The following NBPF19 variants were observed in gnomAD, a reference collection of about 807,000 sequenced individuals.
The protein encoded by NBPF19 is NBPF member 19, also known as NBPF family member NBPF19.
A neutral mutation model predicts 45.9 loss-of-function variants in NBPF19; 30 were observed. That is an observed-to-expected ratio of 0.65 (90% confidence interval 0.49 to 0.89). The LOEUF is 0.89. Among genes scored for constraint, NBPF19 ranks in the 40% least tolerant of loss-of-function variants. The pLI is 0.00. For missense variants in NBPF19, 495 were observed against 471.8 expected (o/e 1.05, Z -0.46); for synonymous variants, 183 against 181.2 (o/e 1.01, Z -0.08).
chr1:149,488,316 G>A (rs1228440487), intron 10 of NBPF19, 131 bp downstream of exon 10: 1 of 602,946 alleles, frequency 1.7e-6, no homozygotes, highest in Non-Finnish European at 2.9e-6. Context: ...GCACATGTAG[G>A]TTGAATGAAA....
chr1:149,487,418 G>A (rs1437843484), intron 9 of NBPF19, 35 bp downstream of exon 9: 21 of 1,123,942 alleles, frequency 1.9e-5, no homozygotes, highest in Admixed American at 1.7e-4. Flanking sequence ...TTAATTTGAT[G>A]TTGACACCTG....
chr1:149,490,921 C>CGT (rs1159751982), intron 13 of NBPF19, among the ~76,000 whole-genome samples: 5,213 of 125,928 alleles, frequency 0.041, 551 homozygotes, highest in Non-Finnish European at 0.061. Flanking sequence ...TGTGTGTGTG[C>CGT]GTGTGTGTGT....
chr1:149,490,924 G>A (rs1205734053), intron 13 of NBPF19, among the ~76,000 whole-genome samples: 1 of 131,622 alleles, frequency 7.6e-6, no homozygotes, highest in Non-Finnish European at 1.6e-5. Flanking sequence ...GTGTGTGCGT[G>A]TGTGTGTGTG....
chr1:149,491,189 C>T lies in NBPF19; in HGVS notation c.1541C>T (p.Ser514Leu). Reference sequence around the variant, plus strand: ...GTAGAGCCTGAAGTCTTGCAGGACTCACTGGATAGATGTTATTCAACTCCT... The same window carrying T: ...GTAGAGCCTGAAGTCTTGCAGGACTTACTGGATAGATGTTATTCAACTCCT... Reference protein sequence around the residue: ...EVVEPEVLQDSLDRCYSTPSS... With the variant: ...EVVEPEVLQDLLDRCYSTPSS... The change falls in exon 14 of 94, where the codon TCA becomes TTA. Residue 514 changes from serine (S) to leucine (L), a missense_variant. This residue lies in a region of NBPF19 where 146 missense variants were observed against 67.3 expected (regional missense o/e 2.17). Transcript: ENST00000651566. 3.4e-6 allele frequency: 1 copy of T among 292,946 alleles called. No individual in the cohort carries two copies. The allele number at this position is 292,946 out of a possible 1,614,324, so 18.1% of individuals were successfully genotyped here.
At chr1:149,487,249 C>A in intron 8 of NBPF19, 83 bp from the exon 9 acceptor site, 1 of 920,548 alleles carries the variant, frequency 1.1e-6, no homozygotes, top group Non-Finnish European at 1.8e-6. Context: ...GACTGATGTC[C>A]CTGTGTTAGG....
At chr1:149,487,421 G>C (rs1467499536) in intron 9 of NBPF19, 38 bp downstream of exon 9, 1 of 1,062,934 alleles carries the variant, frequency 9.4e-7, no homozygotes, top group Non-Finnish European at 1.4e-6. Flanking sequence ...ATTTGATGTT[G>C]ACACCTGGAG....
intron 2 of NBPF19, among the ~76,000 whole-genome samples, chr1:149,477,340 CAACT>C (rs1284008462): frequency 1.3e-5 from 2 of 151,328 alleles, no homozygotes; most frequent in Non-Finnish European, 3.0e-5. Context: ...TAAATTAACA[CAACT>C]AATCTAAATC....
At chr1:149,554,246 G>A (rs2087147078) in intron 93 of NBPF19, among the ~76,000 whole-genome samples, 1 of 151,626 alleles carries the variant, frequency 6.6e-6, no homozygotes, top group South Asian at 2.1e-4. Context: ...ATGTCACCTG[G>A]CCAATTCACT....
At chr1:149,494,077 G>A (rs1199264964) in intron 17 of NBPF19, among the ~76,000 whole-genome samples, 6 of 128,426 alleles carry the variant, frequency 4.7e-5, no homozygotes, top group East Asian at 5.0e-4. Context: ...CGGCCAACTC[G>A]CTGAGCTCAC....
At chr1:149,487,234 G>A in intron 8 of NBPF19, 98 bp from the exon 9 acceptor site, 2 of 842,802 alleles carry the variant, frequency 2.4e-6, no homozygotes, top group Admixed American at 3.4e-5. Context: ...TTCTCACACT[G>A]ACAAGACTGA....
At chr1:149,486,769 C>G (rs1428352100) in intron 8 of NBPF19, among the ~76,000 whole-genome samples, 1 of 151,104 alleles carries the variant, frequency 6.6e-6, no homozygotes, top group Non-Finnish European at 1.5e-5. Flanking sequence ...GAGTTTATTC[C>G]CATTTTCTGT....
rs1179591630 is a variant in NBPF19, at chr1:149,554,703, C to A, written c.11497C>A (p.Leu3833Met). 1.9e-6 allele frequency: 3 copies of A among 1,608,190 alleles called. No homozygotes were observed. Among genetic ancestry groups the A allele is most frequent in the Non-Finnish European group, 2.5e-6 (3 of 1,176,722 alleles). Reference protein sequence around the residue: ...FFTLTVTSLHLVFQMLVIFPQ With the variant: ...FFTLTVTSLHMVFQMLVIFPQ Reference sequence around the variant, plus strand: ...TACTTTGACGGTGACAAGTCTCCATCTGGTGTTCCAGATGTTAGTCATATT... The same window carrying A: ...TACTTTGACGGTGACAAGTCTCCATATGGTGTTCCAGATGTTAGTCATATT... The change falls in exon 94 of 94, where the codon CTG becomes ATG. Residue 3833 changes from leucine (L) to methionine (M), a missense_variant. Leu to Met is a conservative substitution (Grantham distance 15). This residue lies in a region of NBPF19 where 248 missense variants were observed against 95.4 expected (regional missense o/e 2.60). Transcript: ENST00000651566.
rs1378600297 is a variant in NBPF19 at position 149,478,921 on chromosome 1, C to T, written c.320C>T (p.Thr107Ile). The T allele has an allele frequency of 1.9e-6, 3 of 1,606,134 alleles. No homozygotes were observed. The highest frequency in any genetic ancestry group is 1.3e-5 in the African/African-American group (1 of 74,384). Residue 107 changes from threonine to isoleucine, a missense_variant, in exon 4 of 94, where the codon ACC becomes ATC. Thr to Ile is a moderately conservative substitution (Grantham distance 89). Transcript: ENST00000651566. ...VLFHSQEREL[T>I]QLREKLREGR... ...TTTCACTCTCAGGAACGAGAGCTGA[C>T]CCAGTTAAGGGAGAAGTTACGGGAA... is the stretch of plus-strand genomic sequence containing the variant.
intron 10 of NBPF19, among the ~76,000 whole-genome samples, chr1:149,488,406 G>A (rs2101619812): frequency 7.0e-6 from 1 of 142,132 alleles, no homozygotes; most frequent in African/African-American, 2.6e-5. Flanking sequence ...CATACCTGTG[G>A]CGCCCTAATC....
chr1:149,555,240 C>G lies in NBPF19; in HGVS notation c.*502C>G. On this transcript the variant is annotated 3_prime_UTR_variant, in exon 94 of 94. Coordinates refer to ENST00000651566, the MANE Select transcript of NBPF19 (RefSeq NM_001351365.2). ...TTGTATTTCAGAACCACCAACTGCT[C>G]TTTACAATTGTTAACCCGCTAGGCT... 1 of 176,568 alleles carries G rather than the reference C, an allele frequency of 5.7e-6. No homozygotes were observed. The highest frequency in any genetic ancestry group is 1.2e-4 in the South Asian group (1 of 8,554). 10.9% of individuals were successfully genotyped at this position (176,568 alleles called of 1,614,324 possible).
intron 93 of NBPF19, 129 bp from the exon 94 acceptor site, chr1:149,554,366 T>C: frequency 1.3e-6 from 2 of 1,563,966 alleles, no homozygotes; most frequent in Non-Finnish European, 1.7e-6. Flanking sequence ...AAATTTTTTT[T>C]TTTACCTCAT....
At chr1:149,487,078 T>C (rs1202866404) in intron 8 of NBPF19, among the ~76,000 whole-genome samples, 3 of 151,054 alleles carry the variant, frequency 2.0e-5, no homozygotes, top group Admixed American at 6.6e-5. Flanking sequence ...ATTGCTCATT[T>C]GTGTACATAA....
intron 9 of NBPF19, among the ~76,000 whole-genome samples, chr1:149,487,632 G>A (rs1487301050): frequency 6.7e-6 from 1 of 150,274 alleles, no homozygotes; most frequent in Non-Finnish European, 1.5e-5. Context: ...GTAACTGCAG[G>A]GAAACTTGAG....
intron 9 of NBPF19, among the ~76,000 whole-genome samples, 155 bp downstream of exon 9, chr1:149,487,538 A>AT (rs2085623352): frequency 6.6e-6 from 1 of 151,152 alleles, no homozygotes; most frequent in Non-Finnish European, 1.5e-5. Context: ...ATTAGAGTAA[A>AT]TGTTTAGGTT....
Sources: allele counts gnomAD v4.1 joint callset (sites outside exome capture counted in the v4.1 genomes callset), GRCh38; gene constraint gnomAD v4.1.1; regional missense constraint gnomAD v4.1.1; transcripts MANE v1.5; gene names NCBI Gene and HGNC (gene_info 2026-07-23, HGNC 2026-07-21).